CASK: variants seen among roughly 807,000 people sequenced by gnomAD.
CASK encodes the protein peripheral plasma membrane protein CASK.
In CASK, 4 loss-of-function variants were observed where a neutral mutation model predicts 82.9. The ratio of observed to expected loss-of-function variants is 0.05; its 90% CI spans 0.02 to 0.11. The LOEUF is 0.11. Among genes scored for constraint, CASK ranks in the 10% least tolerant of loss-of-function variants. CASK has a pLI of 1.00. For synonymous variants in CASK, 259 were observed against 253.5 expected, an observed-to-expected ratio of 1.02 and a Z score of -0.20; for missense variants, 358 against 720.9, an observed-to-expected ratio of 0.50 and a Z score of 5.76.
At chrX:41,553,037 C>T (rs915918605) in intron 21 of CASK, among the ~76,000 whole-genome samples, 3 of 111,513 alleles carry the variant, frequency 2.7e-5, no homozygotes, top group African/African-American at 9.8e-5. Flanking sequence ...AAGGTAAAAC[C>T]ATCAATATTT....
intron 1 of CASK, among the ~76,000 whole-genome samples, chrX:41,907,556 G>A (rs895259370): frequency 8.0e-5 from 9 of 111,850 alleles, no homozygotes; most frequent in African/African-American, 2.9e-4. Flanking sequence ...TATTCTTGGA[G>A]GGATGTGGGA....
At chrX:41,584,244 C>G (rs2065623296) in intron 14 of CASK, 1 of 112,932 alleles carries the variant, frequency 8.9e-6, no homozygotes, top group Middle Eastern at 4.6e-3. Flanking sequence ...AAGCATATGT[C>G]AAGCATTGTG....
intron 22 of CASK, among the ~76,000 whole-genome samples, chrX:41,539,186 G>A (rs923251360): frequency 8.9e-6 from 1 of 111,923 alleles, no homozygotes; most frequent in African/African-American, 3.2e-5. Flanking sequence ...CTTTATGATG[G>A]GAGTTGTAGG....
intron 5 of CASK, chrX:41,729,749 CAAAAAAAAAA>C (rs1162361118): frequency 7.1e-5 from 1 of 14,114 alleles, no homozygotes; most frequent in African/African-American, 2.8e-4. Flanking sequence ...GACTCTGTCT[CAAAAAAAAAA>C]AAAAAAAAAA....
In CASK at chrX:41,729,806, A is replaced by ATG. The variant is rs1365367795; in HGVS notation, c.429+9576_429+9577dup. 3.1e-3 allele frequency: 270 copies of ATG among 88,125 alleles called. 1 individual carries two copies. Among genetic ancestry groups the ATG allele is most frequent in the Non-Finnish European group, 4.1e-3 (172 of 42,277 alleles). 7.3% of individuals were successfully genotyped at this position (88,125 alleles called of 1,213,427 possible). On this transcript the variant is annotated intron_variant, in intron 5 of 26. Coordinates refer to ENST00000378163, the MANE Select transcript of CASK (RefSeq NM_001367721.1). ...AATATATATATATATATATATATAT[A>ATG]TGTATGTATGTATGTATATGTGCAT... is the stretch of plus-strand genomic sequence containing the variant.
At chrX:41,861,149 C>T (rs1218194916) in intron 1 of CASK, among the ~76,000 whole-genome samples, 2 of 111,947 alleles carry the variant, frequency 1.8e-5, no homozygotes, top group African/African-American at 6.5e-5. Context: ...ATAATACACT[C>T]ATCATTTACT....
intron 8 of CASK, 171 bp downstream of exon 8, chrX:41,660,268 A>G: frequency 4.1e-6 from 2 of 491,828 alleles, no homozygotes; most frequent in Non-Finnish European, 7.2e-6. Flanking sequence ...TATGTCTTCT[A>G]TTCAGATGTT....
intron 4 of CASK, among the ~76,000 whole-genome samples, chrX:41,742,330 G>A (rs1324125846): frequency 9.0e-6 from 1 of 111,696 alleles, no homozygotes; most frequent in South Asian, 3.8e-4. Context: ...AAGAAGTGAC[G>A]TGGGGGGCTG....
chrX:41,805,857 T>A (rs963696163), intron 2 of CASK, among the ~76,000 whole-genome samples: 71 of 111,080 alleles, frequency 6.4e-4, no homozygotes, highest in African/African-American at 2.3e-3. Context: ...CTCAGGACCC[T>A]GAGAGACGGA....
At chrX:41,794,729 GTTC>G (rs1224487709) in intron 2 of CASK, among the ~76,000 whole-genome samples, 1 of 112,211 alleles carries the variant, frequency 8.9e-6, no homozygotes, top group Non-Finnish European at 1.9e-5. Flanking sequence ...GTGCATACAC[GTTC>G]TTCAATAAAA....
At chrX:41,831,837 T>A (rs758130599) in intron 2 of CASK, among the ~76,000 whole-genome samples, 3 of 111,040 alleles carry the variant, frequency 2.7e-5, no homozygotes, top group Non-Finnish European at 5.7e-5. Context: ...GGTGCACGCC[T>A]GTAATCCCAG....
intron 9 of CASK, among the ~76,000 whole-genome samples, chrX:41,635,468 T>G (rs1416218407): frequency 8.9e-6 from 1 of 111,756 alleles, no homozygotes. Context: ...AATCAACCAC[T>G]TAGAGAACAG....
chrX:41,824,432 C>T, intron 2 of CASK, among the ~76,000 whole-genome samples: 1 of 112,227 alleles, frequency 8.9e-6, no homozygotes, highest in Non-Finnish European at 1.9e-5. Flanking sequence ...ACTAAGGGCA[C>T]TGGAGGGGCA....
At chrX:41,916,116 G>T (rs1216363909) in intron 1 of CASK, among the ~76,000 whole-genome samples, 1 of 112,010 alleles carries the variant, frequency 8.9e-6, no homozygotes, top group African/African-American at 3.3e-5. Flanking sequence ...GGCGGAGGTT[G>T]TAGTGAGCCA....
chrX:41,781,711 G>GC (rs1468437188), intron 3 of CASK, among the ~76,000 whole-genome samples: 1 of 111,671 alleles, frequency 9.0e-6, no homozygotes, highest in Non-Finnish European at 1.9e-5. Flanking sequence ...ATACACAAGT[G>GC]CATTGGCTTT....
At chrX:41,714,454 G>A (rs1200837759) in intron 5 of CASK, among the ~76,000 whole-genome samples, 1 of 112,085 alleles carries the variant, frequency 8.9e-6, no homozygotes, top group Non-Finnish European at 1.9e-5. Flanking sequence ...GTGTCTGACT[G>A]GGGAATGTTT....
chrX:41,555,647 A>G lies in CASK; in HGVS notation c.1807-12T>C, dbSNP rs1285979129. 8.4e-7 allele frequency: 1 copy of G among 1,187,849 alleles called. No homozygotes were observed. The highest frequency in any genetic ancestry group is 1.7e-5 in the African/African-American group (1 of 57,427). On this transcript the variant is annotated splice_polypyrimidine_tract_variant and intron_variant, in intron 19 of 26. Coordinates refer to ENST00000378163, the MANE Select transcript of CASK (RefSeq NM_001367721.1). ...GTTGATGGCAAGTCCTGTAGAATAA[A>G]GCCAACCCAGGAGAAAAATTTTCAT...
intron 2 of CASK, among the ~76,000 whole-genome samples, chrX:41,824,194 GA>G (rs1025317662): frequency 7.2e-5 from 8 of 110,815 alleles, no homozygotes; most frequent in Non-Finnish European, 1.1e-4. Context: ...AAAGGAGGGG[GA>G]AAAAAAAGCA....
chrX:41,825,905 A>C (rs1336591551), intron 2 of CASK, among the ~76,000 whole-genome samples: 1 of 112,392 alleles, frequency 8.9e-6, no homozygotes, highest in Non-Finnish European at 1.9e-5. Context: ...TTCTGTTTTA[A>C]CAAACAGTGC....
Sources: gnomAD v4.1 joint callset for allele counts (sites outside exome capture counted in the v4.1 genomes callset) on GRCh38, gnomAD v4.1.1 for gene constraint, MANE v1.5 for transcripts, NCBI Gene and HGNC (gene_info 2026-07-23, HGNC 2026-07-21) for gene names.